Variants in AP4S1 observed in about 807,000 individuals in gnomAD.
AP4S1 encodes adaptor related protein complex 4 subunit sigma 1, also known as AP-4 complex subunit sigma-1.
Under a neutral mutation model 19.8 loss-of-function variants are expected in AP4S1, and 23 were observed. The ratio of observed to expected loss-of-function variants is 1.16; its 90% CI spans 0.84 to 1.65. AP4S1 has a LOEUF of 1.65. Among genes scored for constraint, AP4S1 ranks in the 40% most tolerant of loss-of-function variants. The probability of loss-of-function intolerance (pLI) is 0.00; values close to 1 mark genes in which losing one functional copy is unlikely to be tolerated. For missense variants in AP4S1, 166 were observed against 172.8 expected (o/e 0.96, Z 0.22); for synonymous variants, 46 against 54.1 (o/e 0.85, Z 0.66).
chr14:31,073,487 C>G (rs2139072612), intron 4 of AP4S1, among the ~76,000 whole-genome samples: 1 of 148,698 alleles, frequency 6.7e-6, no homozygotes, highest in Non-Finnish European at 1.5e-5. Context: ...GAGACTCCGT[C>G]TCAGAAAAAA....
chr14:31,071,994 T>A (rs890899181), intron 3 of AP4S1, among the ~76,000 whole-genome samples: 4 of 151,594 alleles, frequency 2.6e-5, no homozygotes, highest in Admixed American at 6.6e-5. Context: ...CAATCTTGGC[T>A]CACTTCAATC....
chr14:31,082,296 T>A (rs1198266652), intron 5 of AP4S1, among the ~76,000 whole-genome samples: 1 of 152,074 alleles, frequency 6.6e-6, no homozygotes, highest in African/African-American at 2.4e-5. Flanking sequence ...ACAGACCACG[T>A]TGTATATTAT....
At chr14:31,046,358 A>G (rs1363515901) in intron 1 of AP4S1, among the ~76,000 whole-genome samples, 1 of 152,112 alleles carries the variant, frequency 6.6e-6, no homozygotes, top group Non-Finnish European at 1.5e-5. Flanking sequence ...CTTTTTCTGG[A>G]CATTTCTTAT....
At chr14:31,063,654 C>G (rs1886560902) in intron 1 of AP4S1, among the ~76,000 whole-genome samples, 2 of 151,946 alleles carry the variant, frequency 1.3e-5, no homozygotes, top group South Asian at 4.2e-4. Flanking sequence ...AGAAACTGTC[C>G]CAGACCAGAA....
intron 1 of AP4S1, among the ~76,000 whole-genome samples, chr14:31,044,913 T>C (rs1416372090): frequency 6.6e-6 from 1 of 151,998 alleles, no homozygotes; most frequent in Non-Finnish European, 1.5e-5. Context: ...ATAATTTTTT[T>C]TTTTTTTGAG....
At chr14:31,076,514 G>A (rs1308566555) in intron 4 of AP4S1, among the ~76,000 whole-genome samples, 1 of 152,098 alleles carries the variant, frequency 6.6e-6, no homozygotes, top group East Asian at 1.9e-4. Context: ...TGCATTATTT[G>A]TTATCTTATT....
chr14:31,091,504 A>C (rs1014357071), intron 5 of AP4S1, among the ~76,000 whole-genome samples: 3 of 151,932 alleles, frequency 2.0e-5, no homozygotes, highest in Non-Finnish European at 4.4e-5. Context: ...AGACAGTATT[A>C]ATAGGTATAT....
At chr14:31,063,330 C>T (rs895036464) in intron 1 of AP4S1, among the ~76,000 whole-genome samples, 1 of 151,786 alleles carries the variant, frequency 6.6e-6, no homozygotes, top group Admixed American at 6.6e-5. Context: ...CTCAGGAGGT[C>T]GAGGCTGGAG....
intron 1 of AP4S1, among the ~76,000 whole-genome samples, chr14:31,051,521 A>G (rs1388799818): frequency 6.6e-6 from 1 of 152,170 alleles, no homozygotes; most frequent in Non-Finnish European, 1.5e-5. Flanking sequence ...AAATACAAAA[A>G]AATACAAAAA....
chr14:31,062,386 A>G (rs1594674636), intron 1 of AP4S1, among the ~76,000 whole-genome samples: 1 of 152,244 alleles, frequency 6.6e-6, no homozygotes, highest in East Asian at 1.9e-4. Flanking sequence ...GGCATGAGCC[A>G]CTGCACCCGG....
intron 1 of AP4S1, among the ~76,000 whole-genome samples, chr14:31,047,397 T>TC (rs1228146145): frequency 1.3e-5 from 2 of 149,268 alleles, no homozygotes; most frequent in African/African-American, 2.5e-5. Context: ...TTTTTTTTTT[T>TC]TTTTTTTTGA....
intron 2 of AP4S1, 94 bp from the exon 3 acceptor site, chr14:31,069,749 T>C: frequency 5.3e-6 from 5 of 934,882 alleles, no homozygotes; most frequent in Non-Finnish European, 8.8e-6. Context: ...CTAGGAATGT[T>C]TGTCGGGTAA....
intron 4 of AP4S1, among the ~76,000 whole-genome samples, chr14:31,074,524 T>G (rs1465815098): frequency 6.6e-6 from 1 of 151,526 alleles, no homozygotes; most frequent in East Asian, 1.9e-4. Context: ...CTACTAACCA[T>G]ACAAAAAATT....
chr14:31,073,185 G>T, intron 4 of AP4S1: 6 of 415,550 alleles, frequency 1.4e-5, no homozygotes, highest in East Asian at 4.6e-5. Context: ...TAAAGAACTG[G>T]AAAAAAAAAA....
chr14:31,053,372 G>A (rs1482020885), intron 1 of AP4S1, among the ~76,000 whole-genome samples: 1 of 152,122 alleles, frequency 6.6e-6, no homozygotes, highest in Non-Finnish European at 1.5e-5. Context: ...ATGATGGCCA[G>A]AGGGCAGATA....
At chr14:31,070,029 C>T (rs1201416058) in intron 3 of AP4S1, 100 bp downstream of exon 3, 3 of 1,038,186 alleles carry the variant, frequency 2.9e-6, no homozygotes, top group African/African-American at 3.2e-5. Context: ...AGAATTTTGC[C>T]CTGTCACCAG....
intron 1 of AP4S1, 58 bp downstream of exon 1, chr14:31,025,845 C>T: frequency 6.4e-7 from 1 of 1,556,084 alleles, no homozygotes; most frequent in African/African-American, 1.4e-5. Context: ...TCCCCAGCCC[C>T]ACCCCCCGGC....
intron 1 of AP4S1, among the ~76,000 whole-genome samples, chr14:31,063,996 C>G (rs991515118): frequency 4.6e-5 from 7 of 152,174 alleles, no homozygotes; most frequent in Non-Finnish European, 1.5e-5. Flanking sequence ...CCAGCCAGCT[C>G]TGGTGGTCAT....
At chr14:31,054,320 A>G (rs954523475) in intron 1 of AP4S1, among the ~76,000 whole-genome samples, 2 of 152,226 alleles carry the variant, frequency 1.3e-5, no homozygotes, top group African/African-American at 4.8e-5. Context: ...ATAAATAATA[A>G]TTGAGTAAAT....
Sources: allele counts gnomAD v4.1 joint callset (sites outside exome capture counted in the v4.1 genomes callset), GRCh38; gene constraint gnomAD v4.1.1; transcripts MANE v1.5; gene names NCBI Gene and HGNC (gene_info 2026-07-23, HGNC 2026-07-21).